DIP2B: variants seen among roughly 807,000 people sequenced by gnomAD.
The protein encoded by DIP2B is DIP2 acetate--CoA ligase B (putative).
DIP2B carries 76 observed loss-of-function variants against 198.0 expected under a neutral mutation model. That is an observed-to-expected ratio of 0.38 (90% confidence interval 0.32 to 0.46). The LOEUF is 0.46. Among genes scored for constraint, DIP2B ranks in the 20% least tolerant of loss-of-function variants. The pLI is 0.99. For missense variants in DIP2B, 1,559 were observed against 1,978.4 expected (o/e 0.79, Z 4.02); for synonymous variants, 701 against 739.1 (o/e 0.95, Z 0.84).
intron 26 of DIP2B, among the ~76,000 whole-genome samples, chr12:50,721,944 A>C (rs112226828): frequency 1.6e-4 from 20 of 124,478 alleles, no homozygotes; most frequent in African/African-American, 5.7e-4. Flanking sequence ...AAAAGCCATC[A>C]GACTTCTTAG....
intron 1 of DIP2B, among the ~76,000 whole-genome samples, chr12:50,549,146 C>T (rs1958402856): frequency 6.7e-6 from 1 of 149,816 alleles, no homozygotes; most frequent in Non-Finnish European, 1.5e-5. Context: ...GAGCAAGAGT[C>T]AGGGACGAAA....
rs1212706745 is a variant in DIP2B at position 50,746,342 on chromosome 12, AC to A, written c.*1504del. On this transcript the variant is annotated 3_prime_UTR_variant, in exon 38 of 38. Transcript: ENST00000301180. The stretch of plus-strand genomic sequence containing the variant: ...GTCTATTGTGTAAATATTTATTTAG[AC>A]TATTTTAATAATACATATTATTTAC... 2.0e-5 allele frequency: 3 copies of A among 152,334 alleles called. No homozygotes were observed. In the East Asian group the frequency reaches 5.8e-4, roughly 29 times the overall value. The allele number at this position is 152,334 out of a possible 1,614,324, so 9.4% of individuals were successfully genotyped here.
At chr12:50,611,429 T>C (rs2139453826) in intron 1 of DIP2B, among the ~76,000 whole-genome samples, 2 of 152,342 alleles carry the variant, frequency 1.3e-5, no homozygotes, top group Middle Eastern at 3.4e-3. Flanking sequence ...AGAGTGTTAT[T>C]AACGTTTAAC....
rs968638317 is a variant in DIP2B at position 50,728,756 on chromosome 12, C to T, written c.3641+78C>T. On this transcript the variant is annotated intron_variant, in intron 30 of 37. Transcript: ENST00000301180. ...CATGGCCATCTCATCCTTCCCTTTG[C>T]TCCCTTAATTTGGTAAAGTTTCAGT... The T allele has an allele frequency of 1.1e-5, 17 of 1,530,696 alleles. No individual in the cohort carries two copies. In the African/African-American group the frequency reaches 2.2e-4, roughly 20 times the overall value. The allele number at this position is 1,530,696 out of a possible 1,614,324, so 94.8% of individuals were successfully genotyped here.
At chr12:50,528,532 A>G (rs145437585) in intron 1 of DIP2B, among the ~76,000 whole-genome samples, 9 of 152,272 alleles carry the variant, frequency 5.9e-5, no homozygotes, top group South Asian at 2.1e-4. Flanking sequence ...TATATTTCCA[A>G]ACGTCCATCC....
At chr12:50,718,585 A>G in intron 23 of DIP2B, 124 bp from the exon 24 acceptor site, 1 of 817,694 alleles carries the variant, frequency 1.2e-6, no homozygotes, top group South Asian at 1.6e-5. Context: ...CCCAGTGCCT[A>G]GAAGAGTGTT....
At chr12:50,614,092 C>G (rs899202809) in intron 1 of DIP2B, among the ~76,000 whole-genome samples, 1 of 152,164 alleles carries the variant, frequency 6.6e-6, no homozygotes, top group African/African-American at 2.4e-5. Flanking sequence ...AGAAGGAAAT[C>G]TATTGCTGTC....
chr12:50,635,894 A>G (rs1031784748), intron 2 of DIP2B, among the ~76,000 whole-genome samples: 1 of 152,172 alleles, frequency 6.6e-6, no homozygotes, highest in Non-Finnish European at 1.5e-5. Context: ...AACTACTATT[A>G]TTGGTGGAGG....
chr12:50,605,762 C>A (rs564021171), intron 1 of DIP2B, among the ~76,000 whole-genome samples: 2 of 152,270 alleles, frequency 1.3e-5, no homozygotes, highest in South Asian at 4.1e-4. Context: ...CATGTTGCAG[C>A]ATGTATCAGT....
chr12:50,748,601 C>T lies in DIP2B; in HGVS notation c.*3762C>T, dbSNP rs1246715259. On this transcript the variant is annotated 3_prime_UTR_variant, in exon 38 of 38. Transcript: ENST00000301180. Reference sequence around the variant, plus strand: ...ATTTAACATCTGGCTGGACAGTGTTCTATTAACTCATTGAATGTGTTTCCT... The same window carrying T: ...ATTTAACATCTGGCTGGACAGTGTTTTATTAACTCATTGAATGTGTTTCCT... 6.6e-6 allele frequency: 1 copy of T among 152,624 alleles called. No homozygotes were observed. The highest frequency in any genetic ancestry group is 2.4e-5 in the African/African-American group (1 of 41,448). 9.5% of individuals were successfully genotyped at this position (152,624 alleles called of 1,614,324 possible). A position where few individuals can be genotyped will look rare whatever the true frequency, so the allele number is the denominator to read the frequency against.
chr12:50,635,679 TTC>T (rs919252691), intron 2 of DIP2B, among the ~76,000 whole-genome samples: 4 of 152,212 alleles, frequency 2.6e-5, no homozygotes, highest in African/African-American at 9.7e-5. Flanking sequence ...TTGTGTTTTA[TTC>T]TCTCTCTCAA....
At chr12:50,547,589 G>T (rs1958388686) in intron 1 of DIP2B, among the ~76,000 whole-genome samples, 1 of 152,098 alleles carries the variant, frequency 6.6e-6, no homozygotes, top group Non-Finnish European at 1.5e-5. Context: ...AGTGTGTGGG[G>T]GCAGAGTGTA....
At chr12:50,574,260 T>C (rs1407103632) in intron 1 of DIP2B, among the ~76,000 whole-genome samples, 1 of 152,220 alleles carries the variant, frequency 6.6e-6, no homozygotes, top group Admixed American at 6.5e-5. Flanking sequence ...TAAACCTGAT[T>C]TTATGATTTA....
intron 1 of DIP2B, among the ~76,000 whole-genome samples, chr12:50,526,577 T>A (rs918797467): frequency 6.7e-6 from 1 of 148,920 alleles, no homozygotes; most frequent in Admixed American, 6.7e-5. Context: ...CAGACACTTC[T>A]CATTTTTTTG....
At chr12:50,627,647 T>A (rs1263077689) in intron 2 of DIP2B, among the ~76,000 whole-genome samples, 1 of 152,244 alleles carries the variant, frequency 6.6e-6, no homozygotes. Flanking sequence ...GAAATCTGTA[T>A]GGTCAGCACA....
chr12:50,670,708 C>T (rs1275555923), intron 4 of DIP2B, among the ~76,000 whole-genome samples: 1 of 152,182 alleles, frequency 6.6e-6, no homozygotes, highest in Non-Finnish European at 1.5e-5. Flanking sequence ...TGAGCCACCA[C>T]GCCCGGCCTG....
At chr12:50,703,216 A>G (rs1035707247) in intron 19 of DIP2B, among the ~76,000 whole-genome samples, 1 of 151,398 alleles carries the variant, frequency 6.6e-6, no homozygotes, top group Non-Finnish European at 1.5e-5. Context: ...AAGTGAGACT[A>G]TATCTCATTT....
intron 3 of DIP2B, among the ~76,000 whole-genome samples, chr12:50,642,023 A>G (rs1016891041): frequency 1.3e-5 from 2 of 152,186 alleles, no homozygotes; most frequent in African/African-American, 4.8e-5. Context: ...AGAAAATGAG[A>G]AAAGGACACA....
chr12:50,703,048 A>T (rs1939449954), intron 19 of DIP2B, among the ~76,000 whole-genome samples: 1 of 151,914 alleles, frequency 6.6e-6, no homozygotes, highest in South Asian at 2.1e-4. Context: ...ATGTAGCGAG[A>T]CCCATCTCTA....
Sources: gnomAD v4.1 joint callset for allele counts (sites outside exome capture counted in the v4.1 genomes callset) on GRCh38, gnomAD v4.1.1 for gene constraint, MANE v1.5 for transcripts, NCBI Gene and HGNC (gene_info 2026-07-23, HGNC 2026-07-21) for gene names.